GCGR: variants seen among roughly 807,000 people sequenced by gnomAD.
The protein encoded by GCGR is glucagon receptor.
A neutral mutation model predicts 56.1 loss-of-function variants in GCGR; 41 were observed. The ratio of observed to expected loss-of-function variants is 0.73; its 90% CI spans 0.57 to 0.95. The LOEUF (loss-of-function observed/expected upper bound fraction) is 0.95. Ranked by LOEUF, GCGR falls within the 40% of genes least tolerant of loss-of-function variation. GCGR has a pLI of 0.00. For missense variants in GCGR, 595 were observed against 638.2 expected (o/e 0.93, Z 0.73); for synonymous variants, 278 against 271.1 (o/e 1.03, Z -0.25).
At chr17:81,805,036 C>CT in intron 1 of GCGR, 1 of 152,460 alleles carries the variant, frequency 6.6e-6, no homozygotes, top group East Asian at 1.9e-4. Flanking sequence ...AGGGATAGGG[C>CT]TTTGTCAACA....
At chr17:81,809,512 T>TGTCTGCCTGTCC in intron 2 of GCGR, among the ~76,000 whole-genome samples, 1 of 111,354 alleles carries the variant, frequency 9.0e-6, no homozygotes, top group South Asian at 2.5e-4. Flanking sequence ...TCTGCCTGCC[T>TGTCTGCCTGTCC]GTCTGCCTGC....
Position 81,811,539 on chromosome 17 carries a change from C to T in GCGR, c.636C>T (p.Val212=). The stretch of plus-strand genomic sequence containing the variant: ...AGAAAATTGGCGACGACCTCAGTGT[C>T]AGCACCTGGCTCAGTGATGGAGTGA... The part of the protein sequence containing the change: ...YSQKIGDDLS[V]STWLSDGAVA... Residue 212 remains valine (V), a synonymous_variant, in exon 7 of 14, where the codon GTC becomes GTT. Transcript: ENST00000400723. The surrounding 1 kb of genome is among the most constrained non-coding windows in gnomAD (Gnocchi z 5.8). The T allele has an allele frequency of 6.5e-7, 1 of 1,536,546 alleles. No homozygotes were observed. The highest frequency in any genetic ancestry group is 8.7e-7 in the Non-Finnish European group (1 of 1,146,858).
rs1246511781 is a variant in GCGR, at chr17:81,812,376, C to T, written c.948+124C>T. ...GGAGGGAGCCGGCACCCAGACAGGACACCAGGACACTGGCCAGCACCCTGG... is the reference window on the plus strand; with the variant it reads ...GGAGGGAGCCGGCACCCAGACAGGATACCAGGACACTGGCCAGCACCCTGG... On this transcript the variant is annotated intron_variant, in intron 10 of 13. Transcript: ENST00000400723. This position sits in a 1 kb window ranked among gnomAD's most constrained non-coding sequence, Gnocchi z 8.5. The T allele has an allele frequency of 1.7e-6, 2 of 1,165,572 alleles. No homozygotes were observed. Among genetic ancestry groups the T allele is most frequent in the Admixed American group, 4.2e-5 (2 of 48,048 alleles). The allele number at this position is 1,165,572 out of a possible 1,614,324, so 72.2% of individuals were successfully genotyped here.
chr17:81,811,097 A>C lies in GCGR; in HGVS notation c.359A>C (p.Gln120Pro). 1 of 1,536,234 alleles carries C rather than the reference A, an allele frequency of 6.5e-7. No individual in the cohort carries two copies. The highest frequency in any genetic ancestry group is 8.7e-7 in the Non-Finnish European group (1 of 1,146,832). Residue 120 changes from glutamine to proline, a missense_variant, in exon 5 of 14, where the codon CAG (glutamine) becomes CCG (proline). Transcript: ENST00000400723. The surrounding 1 kb of genome is among the most constrained non-coding windows in gnomAD (Gnocchi z 5.8). ...PRGQPWRDAS[Q>P]CQMDGEEIEV... Reference sequence around the variant, plus strand: ...GGGCAGCCTTGGCGTGATGCCTCCCAGTGCCAGATGGATGGCGAGGAGATT... The same window carrying C: ...GGGCAGCCTTGGCGTGATGCCTCCCCGTGCCAGATGGATGGCGAGGAGATT...
In GCGR at chr17:81,811,511, G is replaced by A; in HGVS notation, c.608G>A (p.Ser203Asn). Residue 203 changes from serine to asparagine, a missense_variant, in exon 7 of 14, where the codon AGC (serine) becomes AAC (asparagine). Coordinates refer to ENST00000400723, the MANE Select transcript of GCGR (RefSeq NM_000160.5). This position sits in a 1 kb window ranked among gnomAD's most constrained non-coding sequence, Gnocchi z 5.8. ...VIDGLLRTRYSQKIGDDLSVS... is the reference protein window; with the variant it reads ...VIDGLLRTRYNQKIGDDLSVS... ...GATGGGCTGCTCAGGACCCGCTACA[G>A]CCAGAAAATTGGCGACGACCTCAGT... 1 of 1,536,638 alleles carries A rather than the reference G, an allele frequency of 6.5e-7. No individual in the cohort carries two copies. Among genetic ancestry groups the A allele is most frequent in the Non-Finnish European group, 8.7e-7 (1 of 1,146,872 alleles).
In GCGR at chr17:81,812,190, A is replaced by C; in HGVS notation, c.886A>C (p.Thr296Pro). 1 of 1,536,108 alleles carries C rather than the reference A, an allele frequency of 6.5e-7. No individual in the cohort carries two copies. The highest frequency in any genetic ancestry group is 8.7e-7 in the Non-Finnish European group (1 of 1,146,768). Residue 296 changes from threonine to proline, a missense_variant, in exon 10 of 14, where the codon ACC becomes CCC. By Grantham distance (38) the Thr-to-Pro change is conservative. Transcript: ENST00000400723. The surrounding 1 kb of genome is among the most constrained non-coding windows in gnomAD (Gnocchi z 8.5). ...AGTGGCCTGGCCTCGCAGGTGCTGG[A>C]CCAGCAATGACAACATGGGCTTCTG... ...KCLFENVQCW[T>P]SNDNMGFWWI...
rs912376182 is a variant in GCGR, at chr17:81,806,912, G to A, written c.-177-1930G>A. Among the ~76,000 whole-genome samples the A allele has an allele frequency of 5.9e-5, 9 of 151,328 alleles. No homozygotes were observed. The highest frequency in any genetic ancestry group is 2.1e-4 in the South Asian group (1 of 4,772). ...CCAGCTGCCCCTTGTCCCTCTCCCC[G>A]TCCCCTGCCCAGAGCCCCAGGTCTC... On this transcript the variant is annotated intron_variant, in intron 1 of 13. Coordinates refer to ENST00000400723, the MANE Select transcript of GCGR (RefSeq NM_000160.5). The surrounding 1 kb of genome is among the most constrained non-coding windows in gnomAD (Gnocchi z 6.5).
rs549541448 is a variant in GCGR at position 81,810,422 on chromosome 17, G to T, written c.164-403G>T. 157 of 343,756 alleles carry T rather than the reference G, an allele frequency of 4.6e-4. 1 individual carries two copies. The highest frequency in any genetic ancestry group is 2.5e-4 in the African/African-American group (12 of 47,552). The allele number at this position is 343,756 out of a possible 1,614,324, so 21.3% of individuals were successfully genotyped here. On this transcript the variant is annotated intron_variant, in intron 3 of 13. Transcript: ENST00000400723. This position sits in a 1 kb window ranked among gnomAD's most constrained non-coding sequence, Gnocchi z 4.6. ...GAGGGAGCAGATGTGGCAGCCACAGGTTTGGCGATGCACCTGGGAAGGATG... is the reference window on the plus strand; with the variant it reads ...GAGGGAGCAGATGTGGCAGCCACAGTTTTGGCGATGCACCTGGGAAGGATG...
At chr17:81,808,669 G>A (rs1247251829) in intron 1 of GCGR, among the ~76,000 whole-genome samples, 173 bp from the exon 2 acceptor site, 4 of 152,056 alleles carry the variant, frequency 2.6e-5, no homozygotes, top group Admixed American at 6.6e-5. Flanking sequence ...ACAGACGCCC[G>A]CCACCACGCC....
chr17:81,813,357 C>A lies in GCGR; in HGVS notation c.1219-117C>A. ...GCTGTGCCCAGCAGGGAGCTTGTGT[C>A]GCTCTGCACCCCTCAGAGCGGAGAC... On this transcript the variant is annotated intron_variant, in intron 13 of 13. Coordinates refer to ENST00000400723, the MANE Select transcript of GCGR (RefSeq NM_000160.5). The surrounding 1 kb of genome is among the most constrained non-coding windows in gnomAD (Gnocchi z 5.3). 1.9e-6 allele frequency: 2 copies of A among 1,029,808 alleles called. No homozygotes were observed. Among genetic ancestry groups the A allele is most frequent in the Non-Finnish European group, 2.8e-6 (2 of 713,772 alleles). 63.8% of individuals were successfully genotyped at this position (1,029,808 alleles called of 1,614,324 possible).
Position 81,812,276 on chromosome 17 carries a change from C to T in GCGR, c.948+24C>T, listed in dbSNP as rs573560540. On this transcript the variant is annotated intron_variant, in intron 10 of 13. Coordinates refer to ENST00000400723, the MANE Select transcript of GCGR (RefSeq NM_000160.5). This position sits in a 1 kb window ranked among gnomAD's most constrained non-coding sequence, Gnocchi z 8.5. The stretch of plus-strand genomic sequence containing the variant: ...TGGTGAGGAAATGAAGAGCCAGGAG[C>T]GCACCCCAGGCCCCTCCTCCCTTGG... 535 of 1,534,186 alleles carry T rather than the reference C, an allele frequency of 3.5e-4. No homozygotes were observed. The highest frequency in any genetic ancestry group is 2.5e-4 in the African/African-American group (18 of 73,054).
At position 81,812,371 on chromosome 17, in the gene GCGR, C is replaced by A. The variant is rs1218585090; in HGVS notation, c.948+119C>A. 3 of 1,153,368 alleles carry A rather than the reference C, an allele frequency of 2.6e-6. No individual in the cohort carries two copies. The highest frequency in any genetic ancestry group is 2.5e-6 in the Non-Finnish European group (2 of 810,080). The allele number at this position is 1,153,368 out of a possible 1,614,324, so 71.4% of individuals were successfully genotyped here. A position where few individuals can be genotyped will look rare whatever the true frequency, so the allele number is the denominator to read the frequency against. On this transcript the variant is annotated intron_variant, in intron 10 of 13. Coordinates refer to ENST00000400723, the MANE Select transcript of GCGR (RefSeq NM_000160.5). This position sits in a 1 kb window ranked among gnomAD's most constrained non-coding sequence, Gnocchi z 8.5. Reference sequence around the variant, plus strand: ...CGCTGGGAGGGAGCCGGCACCCAGACAGGACACCAGGACACTGGCCAGCAC... The same window carrying A: ...CGCTGGGAGGGAGCCGGCACCCAGAAAGGACACCAGGACACTGGCCAGCAC...
In GCGR at chr17:81,811,298, T is replaced by A. The variant is rs902279512; in HGVS notation, c.470T>A (p.Leu157His). 6.5e-7 allele frequency: 1 copy of A among 1,535,662 alleles called. No homozygotes were observed. The highest frequency in any genetic ancestry group is 8.7e-7 in the Non-Finnish European group (1 of 1,146,358). The stretch of plus-strand genomic sequence containing the variant: ...TACAGCCTGTCCCTGGGGGCCCTGC[T>A]CCTCGCCTTGGCCATCCTGGGGGGC... The part of the protein sequence containing the change: ...VGYSLSLGAL[L>H]LALAILGGLS... Residue 157 changes from leucine (L) to histidine (H), a missense_variant, in exon 6 of 14, where the codon CTC becomes CAC. By Grantham distance (99) the Leu-to-His change is moderately conservative (BLOSUM62 -3). Coordinates refer to ENST00000400723, the MANE Select transcript of GCGR (RefSeq NM_000160.5). This position sits in a 1 kb window ranked among gnomAD's most constrained non-coding sequence, Gnocchi z 5.8.
rs771228867 is a variant in GCGR, at chr17:81,808,982, C to G, written c.-37C>G. ...ACTGCATTGCCCCAGCTGTGCAGCC[C>G]CTGCCAGATGTGGGAGGCAGCTAGC... On this transcript the variant is annotated 5_prime_UTR_variant, in exon 2 of 14. Transcript: ENST00000400723. The G allele has an allele frequency of 1.1e-5, 17 of 1,535,400 alleles. No individual in the cohort carries two copies. The South Asian group carries it at 2.0e-4, about 18-fold the overall frequency.
At position 81,812,732 on chromosome 17, in the gene GCGR, G is replaced by T. The variant is rs1598239946; in HGVS notation, c.1037+67G>T. 1 of 1,526,634 alleles carries T rather than the reference G, an allele frequency of 6.6e-7. No individual in the cohort carries two copies. Among genetic ancestry groups the T allele is most frequent in the East Asian group, 2.5e-5 (1 of 40,732 alleles). 94.6% of individuals were successfully genotyped at this position (1,526,634 alleles called of 1,614,324 possible). A position where few individuals can be genotyped will look rare whatever the true frequency, so the allele number is the denominator to read the frequency against. On this transcript the variant is annotated intron_variant, in intron 11 of 13. Transcript: ENST00000400723. The surrounding 1 kb of genome is among the most constrained non-coding windows in gnomAD (Gnocchi z 8.5). The stretch of plus-strand genomic sequence containing the variant: ...TCAGGGCCAGAGGGCAGCTGGGGGT[G>T]GGGACTCCAAGCTCCACGTGGATGG...
rs781647808 is a variant in GCGR at position 81,808,996 on chromosome 17, G to A, written c.-23G>A. 2.6e-6 allele frequency: 4 copies of A among 1,535,460 alleles called. No individual in the cohort carries two copies. In the African/African-American group the frequency reaches 4.1e-5, roughly 16 times the overall value. On this transcript the variant is annotated 5_prime_UTR_variant, in exon 2 of 14. Transcript: ENST00000400723. Reference sequence around the variant, plus strand: ...GCTGTGCAGCCCCTGCCAGATGTGGGAGGCAGCTAGCTGCCCAGAGGCATG... The same window carrying A: ...GCTGTGCAGCCCCTGCCAGATGTGGAAGGCAGCTAGCTGCCCAGAGGCATG...
chr17:81,809,486 T>TCCGTCTGCCTGG, intron 2 of GCGR, among the ~76,000 whole-genome samples: 1 of 134,820 alleles, frequency 7.4e-6, no homozygotes, highest in African/African-American at 2.8e-5. Context: ...TGCCTGCCTG[T>TCCGTCTGCCTGG]CCGTCTGCCT....
Position 81,810,672 on chromosome 17 carries a change from G to A in GCGR, c.164-153G>A, listed in dbSNP as rs1443300878. Among the ~76,000 whole-genome samples, 1 of 151,966 alleles carries A rather than the reference G, an allele frequency of 6.6e-6. No individual in the cohort carries two copies. Among genetic ancestry groups the A allele is most frequent in the Admixed American group, 6.6e-5 (1 of 15,264 alleles). On this transcript the variant is annotated intron_variant, in intron 3 of 13. Transcript: ENST00000400723. This position sits in a 1 kb window ranked among gnomAD's most constrained non-coding sequence, Gnocchi z 4.6. Reference sequence around the variant, plus strand: ...AGGTGGAGGTCAGATGGGGGAGGTGGAGGTCAAGTGGGGGAGGGAGCAGCC... The same window carrying A: ...AGGTGGAGGTCAGATGGGGGAGGTGAAGGTCAAGTGGGGGAGGGAGCAGCC...
In GCGR at chr17:81,811,930, C is replaced by T; in HGVS notation, c.862C>T (p.Leu288=). The T allele has an allele frequency of 6.5e-7, 1 of 1,537,082 alleles. No individual in the cohort carries two copies. The highest frequency in any genetic ancestry group is 2.4e-5 in the East Asian group (1 of 40,906). Residue 288 remains leucine, a synonymous_variant, in exon 9 of 14, where the codon CTG becomes TTG. Transcript: ENST00000400723. This position sits in a 1 kb window ranked among gnomAD's most constrained non-coding sequence, Gnocchi z 5.8. ...FVVPWAVVKC[L]FENVQCWTSN... is the part of the protein sequence containing the mutation. ...CGTCCCCTGGGCAGTGGTCAAGTGT[C>T]TGTTCGAGAACGTCCAGTGAGTATG... is the stretch of plus-strand genomic sequence containing the variant.
Sources: gnomAD v4.1 joint callset for allele counts (sites outside exome capture counted in the v4.1 genomes callset) on GRCh38, gnomAD v4.1.1 for gene constraint, Gnocchi (gnomAD v3.1) non-coding constraint, MANE v1.5 for transcripts, NCBI Gene and HGNC (gene_info 2026-07-23, HGNC 2026-07-21) for gene names.